Variants in ANKRD60 observed in about 807,000 individuals in gnomAD.
The protein encoded by ANKRD60 is ankyrin repeat domain-containing protein 60.
In ANKRD60, 24 loss-of-function variants were observed where a neutral mutation model predicts 21.3. The ratio of observed to expected loss-of-function variants is 1.13; its 90% CI spans 0.82 to 1.59. ANKRD60 has a LOEUF of 1.59. Among genes scored for constraint, ANKRD60 ranks in the 40% most tolerant of loss-of-function variants. The probability of loss-of-function intolerance (pLI) is 0.00; values close to 1 mark genes in which losing one functional copy is unlikely to be tolerated. For missense variants in ANKRD60, 490 were observed against 466.7 expected, an observed-to-expected ratio of 1.05 and a Z score of -0.46; for synonymous variants, 182 against 199.4, an observed-to-expected ratio of 0.91 and a Z score of 0.74.
Position 58,218,806 on chromosome 20 carries a change from C to A in ANKRD60, c.728-1G>T. 6.5e-7 allele frequency: 1 copy of A among 1,529,738 alleles called. No homozygotes were observed. Among genetic ancestry groups the A allele is most frequent in the Non-Finnish European group, 8.8e-7 (1 of 1,134,402 alleles). 94.8% of individuals were successfully genotyped at this position (1,529,738 alleles called of 1,614,324 possible). ...GGGGATCTGCTGAGGCAGCTGGCTC[C>A]TGTAAAATAAGAACATTGGCCAGAA... On this transcript the variant is annotated splice_acceptor_variant, in intron 3 of 3. Transcript: ENST00000457363. LOFTEE classifies it high-confidence loss of function.
chr20:58,221,210 A>G (rs8122848), intron 3 of ANKRD60, 128 bp downstream of exon 3: 39,695 of 1,038,212 alleles, frequency 0.038, 1,195 homozygotes, highest in East Asian at 0.1. Context: ...GGGGACCCTG[A>G]CTGGTGGCTG....
chr20:58,223,618 G>A (rs1984306861), intron 1 of ANKRD60, among the ~76,000 whole-genome samples: 1 of 152,166 alleles, frequency 6.6e-6, no homozygotes, highest in African/African-American at 2.4e-5. Context: ...GGCTAAAGAG[G>A]TGACAATGAC....
At chr20:58,216,157 G>T (rs1054607468), downstream of ANKRD60, among the ~76,000 whole-genome samples, 1 of 152,064 alleles carries the variant, frequency 6.6e-6, no homozygotes, top group Non-Finnish European at 1.5e-5. Context: ...ATTTTATTTC[G>T]TAAGTGATAC....
chr20:58,220,011 G>A lies in ANKRD60; in HGVS notation c.728-1206C>T, dbSNP rs143142215. 5.4e-4 allele frequency among the ~76,000 whole-genome samples: 82 copies of A among 152,320 alleles called. 1 individual carries two copies. Among genetic ancestry groups the A allele is most frequent in the African/African-American group, 1.8e-3 (76 of 41,580 alleles). ...ACCCATCACAGAGGTTTGTACACCC[G>A]ATGCACGGCCCAATCATCCGGCCCA... On this transcript the variant is annotated intron_variant, in intron 3 of 3. Coordinates refer to ENST00000457363, the Ensembl canonical transcript of ANKRD60.
intron 1 of ANKRD60, among the ~76,000 whole-genome samples, chr20:58,223,752 G>T (rs558503401): frequency 1.3e-5 from 2 of 152,260 alleles, no homozygotes; most frequent in South Asian, 4.1e-4. Context: ...GGTGTTCACA[G>T]CTTCCCGGCC....
Position 58,219,818 on chromosome 20 carries a change from T to C in ANKRD60, c.728-1013A>G, listed in dbSNP as rs893237576. On this transcript the variant is annotated intron_variant, in intron 3 of 3. Coordinates refer to ENST00000457363, the Ensembl canonical transcript of ANKRD60. The stretch of plus-strand genomic sequence containing the variant: ...GAAAACTTTGCAAAGCTGGCTGTAA[T>C]TTTTTAACTGGTGCCTTCAAATACA... Among the ~76,000 whole-genome samples, 35 of 152,208 alleles carry C rather than the reference T, an allele frequency of 2.3e-4. 1 individual carries two copies.
rs901934788 is a variant in ANKRD60 at position 58,218,902 on chromosome 20, G to A, written c.728-97C>T. On this transcript the variant is annotated intron_variant, in intron 3 of 3. Coordinates refer to ENST00000457363, the Ensembl canonical transcript of ANKRD60. The stretch of plus-strand genomic sequence containing the variant: ...AGGGAGTGCTCCTCAGGGAGGTCCT[G>A]CTGCCTGGCCCAGCTCCAGTACTGC... The A allele has an allele frequency of 3.7e-5, 44 of 1,199,022 alleles. No homozygotes were observed. The African/African-American group carries it at 5.4e-4, about 15-fold the overall frequency. 74.3% of individuals were successfully genotyped at this position (1,199,022 alleles called of 1,614,324 possible).
At chr20:58,218,618 C>A in exon 4 of ANKRD60, 1 of 1,551,776 alleles carries the variant, frequency 6.4e-7, no homozygotes, top group Non-Finnish European at 8.7e-7. Flanking sequence ...GGAGGAGGAC[C>A]ATCTGCCTCT....
chr20:58,218,068 C>G (rs921319678), downstream of ANKRD60, among the ~76,000 whole-genome samples: 2 of 152,198 alleles, frequency 1.3e-5, no homozygotes, highest in African/African-American at 4.8e-5. Flanking sequence ...CTGAAATTCA[C>G]AGCCCACACT....
intron 1 of ANKRD60, among the ~76,000 whole-genome samples, chr20:58,225,135 G>C (rs955019787): frequency 1.3e-5 from 2 of 152,158 alleles, no homozygotes; most frequent in Admixed American, 6.5e-5. Context: ...GAGAGAGGTC[G>C]AGCTTCTAAC....
intron 3 of ANKRD60, among the ~76,000 whole-genome samples, chr20:58,220,338 G>C (rs1600682571): frequency 6.6e-6 from 1 of 152,306 alleles, no homozygotes; most frequent in African/African-American, 2.4e-5. Flanking sequence ...ACTCCGCATT[G>C]AGTGGTCTGC....
Position 58,221,489 on chromosome 20 carries a change from C to T in ANKRD60, c.576G>A (p.Gly192=), listed in dbSNP as rs1384537087. 9 of 1,551,668 alleles carry T rather than the reference C, an allele frequency of 5.8e-6. No homozygotes were observed. The South Asian group carries it at 1.1e-4, about 18-fold the overall frequency. ...TTCGGTAGAAGGAATCTTCAGTAAG[C>T]CCGAGACAAGATAGCTGGGCAAGAC... The change falls in exon 3 of 4, where the codon GGG becomes GGA. Residue 192 remains glycine, a synonymous_variant. Coordinates refer to ENST00000457363, the Ensembl canonical transcript of ANKRD60.
exon 4 of ANKRD60, chr20:58,218,539 T>C: frequency 1.3e-6 from 2 of 1,551,662 alleles, no homozygotes; most frequent in African/African-American, 1.4e-5. Flanking sequence ...AACCCAGACT[T>C]GACCCTCTGC....
At chr20:58,218,499 T>C in exon 4 of ANKRD60, 2 of 1,549,896 alleles carry the variant, frequency 1.3e-6, no homozygotes, top group Non-Finnish European at 1.7e-6. Context: ...CAGGAGCTAA[T>C]GAGGGGTCAT....
rs1188856643 is a variant in ANKRD60, at chr20:58,228,649, G to A, written c.5C>T (p.Thr2Met). 3 of 982,500 alleles carry A rather than the reference G, an allele frequency of 3.1e-6. No homozygotes were observed. The African/African-American group carries it at 5.3e-5, about 17-fold the overall frequency. The allele number at this position is 982,500 out of a possible 1,614,324, so 60.9% of individuals were successfully genotyped here. Residue 2 changes from threonine (T) to methionine (M), a missense_variant, in exon 1 of 4, where the codon ACG (threonine) becomes ATG (methionine). By Grantham distance (81) the Thr-to-Met change is moderately conservative. Transcript: ENST00000457363. This position sits in a 1 kb window ranked among gnomAD's most constrained non-coding sequence, Gnocchi z 5.3. ...CCGCATCCCCCAGGCGCGGCCGCGC[G>A]TCATCCGCGGCTCGAGTGCGGTGGC... is the stretch of plus-strand genomic sequence containing the variant.
At chr20:58,218,652 T>C in exon 4 of ANKRD60, 2 of 1,551,744 alleles carry the variant, frequency 1.3e-6, no homozygotes, top group Non-Finnish European at 1.7e-6. Context: ...GTTCAGGCGG[T>C]GTGCAATGGA....
intron 2 of ANKRD60, 110 bp from the exon 3 acceptor site, chr20:58,221,613 C>G (rs1428739289): frequency 1.6e-6 from 2 of 1,244,970 alleles, no homozygotes; most frequent in Admixed American, 4.5e-5. Flanking sequence ...CAAATTAAGG[C>G]TCATGATGGG....
chr20:58,216,413 A>AGAGC (rs1984137976), downstream of ANKRD60, among the ~76,000 whole-genome samples: 1 of 152,242 alleles, frequency 6.6e-6, no homozygotes, highest in African/African-American at 2.4e-5. Flanking sequence ...GCAGCTGGGC[A>AGAGC]GAGCTCCTGG....
At chr20:58,225,329 G>A (rs1351453163) in intron 1 of ANKRD60, among the ~76,000 whole-genome samples, 1 of 152,064 alleles carries the variant, frequency 6.6e-6, no homozygotes, top group East Asian at 1.9e-4. Context: ...TACTTGTTTG[G>A]GAACTCTTAC....
Sources: gnomAD v4.1 joint callset for allele counts (sites outside exome capture counted in the v4.1 genomes callset) on GRCh38, gnomAD v4.1.1 for gene constraint, Gnocchi (gnomAD v3.1) non-coding constraint, MANE v1.5 for transcripts, NCBI Gene and HGNC (gene_info 2026-07-23, HGNC 2026-07-21) for gene names.